SPIRE2: variants seen among roughly 807,000 people sequenced by gnomAD.
SPIRE2 encodes the protein protein spire homolog 2.
In SPIRE2, 76 loss-of-function variants were observed where a neutral mutation model predicts 80.7. That is an observed-to-expected ratio of 0.94 (90% CI 0.78 to 1.14). SPIRE2 has a LOEUF of 1.14. SPIRE2 is among the 50% of genes most tolerant of loss of function. The pLI, the probability that SPIRE2 is intolerant of heterozygous loss-of-function variation, is 0.00. For missense variants in SPIRE2, 1,196 were observed against 1,015.3 expected (o/e 1.18, Z -2.42); for synonymous variants, 535 against 432.6 (o/e 1.24, Z -2.94).
chr16:89,844,436 AAAGT>A (rs2041537486), intron 1 of SPIRE2, among the ~76,000 whole-genome samples: 1 of 150,496 alleles, frequency 6.6e-6, no homozygotes, highest in Non-Finnish European at 1.5e-5. Flanking sequence ...TCAGCCTCCC[AAAGT>A]AATTTTTTTT....
At chr16:89,847,506 T>G (rs1457523818) in intron 2 of SPIRE2, among the ~76,000 whole-genome samples, 5 of 152,196 alleles carry the variant, frequency 3.3e-5, no homozygotes, top group African/African-American at 9.7e-5. Context: ...CTTAAACGTT[T>G]TACAGAGAGC....
At position 89,850,346 on chromosome 16, in the gene SPIRE2, TG is replaced by T; in HGVS notation, c.336del (p.Leu113TrpfsTer67). On this transcript the variant is annotated frameshift_variant, in exon 3 of 15. Transcript: ENST00000378247. LOFTEE classifies it high-confidence loss of function. ...CTTCGCCATCTACCGCGCGCTGGAC[TG>T]GGGGCTGGACGAGAGCGAGGAGCGC... ...LGFAIYRALDWGLDESEEREL... is the reference protein window; with the variant it reads ...LGFAIYRALDXGLDESEEREL... The T allele has an allele frequency of 1.2e-6, 2 of 1,600,918 alleles. No homozygotes were observed. The highest frequency in any genetic ancestry group is 1.7e-6 in the Non-Finnish European group (2 of 1,175,564).
chr16:89,835,879 A>T (rs996550824), intron 1 of SPIRE2, among the ~76,000 whole-genome samples: 8 of 152,196 alleles, frequency 5.3e-5, no homozygotes, highest in African/African-American at 1.7e-4. Context: ...GGAGTAGTTT[A>T]AAAGGAGTGT....
chr16:89,832,235 G>A (rs959273385), intron 1 of SPIRE2, among the ~76,000 whole-genome samples: 6 of 152,228 alleles, frequency 3.9e-5, no homozygotes, highest in African/African-American at 4.8e-5. Flanking sequence ...CACCTTTGCC[G>A]AGGAGCACCG....
In SPIRE2 at chr16:89,854,572, C is replaced by T. The variant is rs2041669999; in HGVS notation, c.812C>T (p.Pro271Leu). 2 of 1,612,582 alleles carry T rather than the reference C, an allele frequency of 1.2e-6. No individual in the cohort carries two copies. The highest frequency in any genetic ancestry group is 1.7e-6 in the Non-Finnish European group (2 of 1,179,862). The change falls in exon 5 of 15, where the codon CCC becomes CTC. Residue 271 changes from proline (P) to leucine (L), a missense_variant. Coordinates refer to ENST00000378247, the MANE Select transcript of SPIRE2 (RefSeq NM_032451.2). ...KVQEQEFNPL[P>L]TEFQLTPFEM... is the part of the protein sequence containing the mutation. The stretch of plus-strand genomic sequence containing the variant: ...CAAGAGCAGGAGTTCAACCCCCTCC[C>T]CACCGAGTTCCAGCTCACGCCCTTC...
intron 1 of SPIRE2, among the ~76,000 whole-genome samples, chr16:89,829,513 G>T (rs1040091558): frequency 6.6e-6 from 1 of 152,234 alleles, no homozygotes; most frequent in Non-Finnish European, 1.5e-5. Flanking sequence ...TACCCTGCCG[G>T]GGGGCAGAGG....
At chr16:89,834,886 A>G (rs369391111) in intron 1 of SPIRE2, among the ~76,000 whole-genome samples, 1,819 of 95,676 alleles carry the variant, frequency 0.019, 65 homozygotes, top group African/African-American at 0.068. Flanking sequence ...CCGCACTCGC[A>G]GCTGGCCGTC....
At chr16:89,857,717 C>T (rs1208432346) in intron 7 of SPIRE2, among the ~76,000 whole-genome samples, 2 of 150,788 alleles carry the variant, frequency 1.3e-5, no homozygotes, top group Non-Finnish European at 3.0e-5. Flanking sequence ...ATTACAGGCA[C>T]GCGCCACCAC....
intron 10 of SPIRE2, chr16:89,862,744 T>G (rs2041755574): frequency 6.6e-6 from 1 of 152,326 alleles, no homozygotes; most frequent in African/African-American, 2.4e-5. Context: ...GACAACCCAC[T>G]GCAAATCCAA....
At chr16:89,853,467 A>T (rs967749351) in intron 3 of SPIRE2, among the ~76,000 whole-genome samples, 4 of 152,186 alleles carry the variant, frequency 2.6e-5, no homozygotes, top group African/African-American at 9.6e-5. Context: ...GAACAGGTAC[A>T]GGTGTTCCCG....
chr16:89,870,184 G>A lies in SPIRE2; in HGVS notation c.2057G>A (p.Ser686Asn). The change falls in exon 15 of 15, where the codon AGC (serine) becomes AAC (asparagine). Residue 686 changes from serine to asparagine, a missense_variant. Ser to Asn is a conservative substitution (Grantham distance 46, BLOSUM62 1). Coordinates refer to ENST00000378247, the MANE Select transcript of SPIRE2 (RefSeq NM_032451.2). ...GACGTGGTGCGTTCCAGCCGCAAGA[G>A]CGTGGACGTCCTCAACACTACGCCA... Reference protein sequence around the residue: ...VADVVRSSRKSVDVLNTTPRR... With the variant: ...VADVVRSSRKNVDVLNTTPRR... The A allele has an allele frequency of 6.2e-7, 1 of 1,610,532 alleles. No homozygotes were observed. The highest frequency in any genetic ancestry group is 1.7e-4 in the Middle Eastern group (1 of 6,022).
At chr16:89,864,531 C>A (rs1417935878) in intron 12 of SPIRE2, among the ~76,000 whole-genome samples, 1 of 152,156 alleles carries the variant, frequency 6.6e-6, no homozygotes, top group Non-Finnish European at 1.5e-5. Flanking sequence ...TATTCTCTGG[C>A]CCTTTACACA....
intron 3 of SPIRE2, among the ~76,000 whole-genome samples, chr16:89,851,812 T>C (rs969475610): frequency 7.2e-5 from 11 of 152,088 alleles, no homozygotes; most frequent in Admixed American, 5.9e-4. Flanking sequence ...TGGCAGAAGG[T>C]GTTTTCGAAG....
Position 89,870,332 on chromosome 16 carries a change from GCT to G in SPIRE2, c.*63_*64del. 9.4e-7 allele frequency: 1 copy of G among 1,066,238 alleles called. No individual in the cohort carries two copies. Among genetic ancestry groups the G allele is most frequent in the Admixed American group, 2.0e-5 (1 of 49,508 alleles). The allele number at this position is 1,066,238 out of a possible 1,614,324, so 66.0% of individuals were successfully genotyped here. On this transcript the variant is annotated 3_prime_UTR_variant, in exon 15 of 15. Transcript: ENST00000378247. ...GGCAGGCCCTGTATCAGGCTAGGAC[GCT>G]CTGAGCTGTGCATGTACATATATAC...
At position 89,854,383 on chromosome 16, in the gene SPIRE2, C is replaced by G. The variant is rs767474485; in HGVS notation, c.726+17C>G. ...ACAGACTGGGTAAGGCTCACTCCCA[C>G]CTGACCGGGCCACTGACGCGGCCCA... is the stretch of plus-strand genomic sequence containing the variant. On this transcript the variant is annotated intron_variant, in intron 4 of 14. Transcript: ENST00000378247. The G allele has an allele frequency of 5.0e-6, 8 of 1,611,674 alleles. No homozygotes were observed. In the African/African-American group the frequency reaches 8.0e-5, roughly 16 times the overall value.
chr16:89,859,342 T>C lies in SPIRE2; in HGVS notation c.1450T>C (p.Ser484Pro). The change falls in exon 9 of 15, where the codon TCC becomes CCC. Residue 484 changes from serine to proline, a missense_variant. By Grantham distance (74) the Ser-to-Pro change is moderately conservative. Coordinates refer to ENST00000378247, the MANE Select transcript of SPIRE2 (RefSeq NM_032451.2). ...AGSAHVWRPG[S>P]RDQGTCPASV... ...CAGTGCGCATGTGTGGAGGCCCGGC[T>C]CCCGAGACCAGGGCAAGTGCTGCTT... 1 of 1,567,126 alleles carries C rather than the reference T, an allele frequency of 6.4e-7. No individual in the cohort carries two copies. Among genetic ancestry groups the C allele is most frequent in the Non-Finnish European group, 8.6e-7 (1 of 1,161,632 alleles).
Position 89,850,480 on chromosome 16 carries a change from G to C in SPIRE2, c.465G>C (p.Glu155Asp). 3.9e-6 allele frequency: 6 copies of C among 1,543,578 alleles called. No individual in the cohort carries two copies. The highest frequency in any genetic ancestry group is 4.4e-6 in the Non-Finnish European group (5 of 1,146,640). The change falls in exon 3 of 15, where the codon GAG becomes GAC. Residue 155 changes from glutamate (E) to aspartate (D), a missense_variant. By Grantham distance (45) the Glu-to-Asp change is conservative. Coordinates refer to ENST00000378247, the MANE Select transcript of SPIRE2 (RefSeq NM_032451.2). ...AGGGCTACGGGGGTCCCGAGGAGGA[G>C]GAGGAGGCCGAGGGCGTCCCCCGCA... ...ADEGYGGPEE[E>D]EEAEGVPRSV...
chr16:89,862,807 C>T lies in SPIRE2; in HGVS notation c.1576-669C>T, dbSNP rs141425984. On this transcript the variant is annotated intron_variant, in intron 10 of 14. Transcript: ENST00000378247. Reference sequence around the variant, plus strand: ...CTGTGGCACCTTCATAGATGGTGCCCACCTGCCTTGGCAGTGATGACCGAC... The same window carrying T: ...CTGTGGCACCTTCATAGATGGTGCCTACCTGCCTTGGCAGTGATGACCGAC... 1,037 of 152,850 alleles carry T rather than the reference C, an allele frequency of 6.8e-3. 3 individuals are homozygous for T. Among genetic ancestry groups the T allele is most frequent in the Non-Finnish European group, 0.01 (688 of 68,468 alleles). The allele number at this position is 152,850 out of a possible 1,614,324, so 9.5% of individuals were successfully genotyped here.
intron 6 of SPIRE2, 141 bp downstream of exon 6, chr16:89,855,827 G>T: frequency 6.3e-6 from 6 of 948,468 alleles, no homozygotes; most frequent in Non-Finnish European, 9.4e-6. Context: ...GGTGAGGCGG[G>T]CTGGCTTCCT....
Sources: allele counts gnomAD v4.1 joint callset (sites outside exome capture counted in the v4.1 genomes callset), GRCh38; gene constraint gnomAD v4.1.1; transcripts MANE v1.5; gene names NCBI Gene and HGNC (gene_info 2026-07-23, HGNC 2026-07-21).